The following ANXA10 variants were observed in gnomAD, a reference collection of about 807,000 sequenced individuals.
ANXA10 encodes annexin 14.
A neutral mutation model predicts 53.5 loss-of-function variants in ANXA10; 49 were observed. The observed-to-expected ratio is 0.92, with a 90% CI of 0.73 to 1.16. ANXA10 has a LOEUF of 1.16. Among genes scored for constraint, ANXA10 ranks in the 50% most tolerant of loss-of-function variants. The pLI is 0.00. For missense variants in ANXA10, 393 were observed against 394.4 expected (o/e 1.00, Z 0.03); for synonymous variants, 131 against 128.9 (o/e 1.02, Z -0.11).
intron 3 of ANXA10, among the ~76,000 whole-genome samples, chr4:168,151,737 G>A (rs1317046): frequency 0.64 from 97,262 of 152,118 alleles, 32,574 homozygotes; most frequent in African/African-American, 0.84. Context: ...CATGTTATTC[G>A]ATATTTATCT....
At chr4:168,100,328 G>T (rs1291058028) in intron 1 of ANXA10, among the ~76,000 whole-genome samples, 3 of 151,934 alleles carry the variant, frequency 2.0e-5, no homozygotes, top group African/African-American at 7.3e-5. Flanking sequence ...CCTTAGAGTG[G>T]GATATAAAAC....
intron 1 of ANXA10, among the ~76,000 whole-genome samples, chr4:168,105,927 C>T (rs1033349181): frequency 2.6e-5 from 4 of 152,028 alleles, no homozygotes; most frequent in African/African-American, 9.7e-5. Flanking sequence ...TTAAAAGTAT[C>T]TGTTCATGTC....
At chr4:168,096,912 A>ATATATATATGTATG (rs1730555505) in intron 1 of ANXA10, among the ~76,000 whole-genome samples, 1 of 104,578 alleles carries the variant, frequency 9.6e-6, no homozygotes, top group African/African-American at 5.6e-5. Context: ...ATACAAATGC[A>ATATATATATGTATG]TATATATATA....
intron 3 of ANXA10, among the ~76,000 whole-genome samples, chr4:168,139,854 T>C (rs1731299166): frequency 1.3e-5 from 2 of 152,194 alleles, no homozygotes; most frequent in African/African-American, 4.8e-5. Flanking sequence ...ATGAAAAGTT[T>C]TGATGAACTT....
At chr4:168,167,735 T>C (rs933533895) in intron 6 of ANXA10, among the ~76,000 whole-genome samples, 1 of 152,238 alleles carries the variant, frequency 6.6e-6, no homozygotes, top group African/African-American at 2.4e-5. Context: ...TGCAAAGTTC[T>C]TTCCTAGATA....
intron 1 of ANXA10, among the ~76,000 whole-genome samples, chr4:168,118,090 CTT>C (rs1012456005): frequency 1.4e-5 from 2 of 147,700 alleles, no homozygotes; most frequent in African/African-American, 2.5e-5. Flanking sequence ...GCCGGAGATT[CTT>C]TTTTTTTTTT....
chr4:168,150,384 C>T (rs890367138), intron 3 of ANXA10, among the ~76,000 whole-genome samples: 4 of 152,154 alleles, frequency 2.6e-5, no homozygotes, highest in African/African-American at 9.7e-5. Flanking sequence ...AGTGACGAAG[C>T]AACTTGCACA....
intron 4 of ANXA10, 71 bp from the exon 5 acceptor site, chr4:168,164,127 C>A: frequency 8.4e-7 from 1 of 1,186,588 alleles, no homozygotes; most frequent in Non-Finnish European, 1.2e-6. Context: ...GTATCCCTTT[C>A]TTGTACAAAA....
chr4:168,175,583 C>T (rs899399444), intron 6 of ANXA10, among the ~76,000 whole-genome samples: 2 of 152,188 alleles, frequency 1.3e-5, no homozygotes, highest in Non-Finnish European at 2.9e-5. Flanking sequence ...ACCTGCACCT[C>T]AACATTTCCA....
intron 6 of ANXA10, 118 bp from the exon 7 acceptor site, chr4:168,177,622 T>A: frequency 1.1e-6 from 1 of 938,834 alleles, no homozygotes; most frequent in Non-Finnish European, 1.7e-6. Context: ...TTACTCCAGA[T>A]AATAAAAGAA....
At chr4:168,099,446 T>A (rs1215303624) in intron 1 of ANXA10, among the ~76,000 whole-genome samples, 1 of 152,096 alleles carries the variant, frequency 6.6e-6, no homozygotes, top group Admixed American at 6.6e-5. Flanking sequence ...GCAACTCACA[T>A]ATAGAAAAGT....
chr4:168,116,240 G>GA (rs547312386), intron 1 of ANXA10, among the ~76,000 whole-genome samples: 1,616 of 149,522 alleles, frequency 0.011, 11 homozygotes, highest in South Asian at 0.021. Context: ...AACACGTGCA[G>GA]AAAAAAAAAA....
intron 2 of ANXA10, among the ~76,000 whole-genome samples, chr4:168,133,274 T>A (rs908417403): frequency 2.0e-5 from 3 of 152,060 alleles, no homozygotes; most frequent in African/African-American, 7.2e-5. Flanking sequence ...CTGTTGACCA[T>A]GAGTTTAATG....
In ANXA10 at chr4:168,162,609, T is replaced by C. The variant is rs1731805932; in HGVS notation, c.277T>C (p.Tyr93His). Residue 93 changes from tyrosine (Y) to histidine (H), a missense_variant, in exon 4 of 12, where the codon TAT (tyrosine) becomes CAT (histidine). By Grantham distance (83) the Tyr-to-His change is moderately conservative (BLOSUM62 2). Transcript: ENST00000359299. ...TGGCCTCATGTACCCACCACCACTG[T>C]ATGATGCTCATGAGCTCTGGCATGC... The part of the protein sequence containing the change: ...MAGLMYPPPL[Y>H]DAHELWHAMK... 1 of 1,613,974 alleles carries C rather than the reference T, an allele frequency of 6.2e-7. No individual in the cohort carries two copies. The highest frequency in any genetic ancestry group is 1.1e-5 in the South Asian group (1 of 91,084).
intron 10 of ANXA10, among the ~76,000 whole-genome samples, chr4:168,182,550 G>A (rs1732273979): frequency 6.7e-6 from 1 of 148,556 alleles, no homozygotes; most frequent in Non-Finnish European, 1.5e-5. Context: ...ACCCAGGATG[G>A]TCTCGATTTC....
At chr4:168,112,070 G>A (rs1730817495) in intron 1 of ANXA10, among the ~76,000 whole-genome samples, 1 of 152,140 alleles carries the variant, frequency 6.6e-6, no homozygotes, top group South Asian at 2.1e-4. Context: ...AAGGCAGGCG[G>A]ATCACTTGAG....
intron 3 of ANXA10, among the ~76,000 whole-genome samples, chr4:168,157,032 A>C (rs2149476288): frequency 6.6e-6 from 1 of 152,234 alleles, no homozygotes; most frequent in South Asian, 2.1e-4. Flanking sequence ...AGCGTGGAAA[A>C]AATGCTAAAA....
At chr4:168,165,101 A>G (rs1731850848) in intron 5 of ANXA10, 146 bp from the exon 6 acceptor site, 1 of 423,306 alleles carries the variant, frequency 2.4e-6, no homozygotes, top group East Asian at 3.6e-5. Flanking sequence ...TCTTTGGCAG[A>G]CGGTTTATTG....
intron 1 of ANXA10, among the ~76,000 whole-genome samples, chr4:168,100,465 C>T (rs192621698): frequency 1.3e-5 from 2 of 152,036 alleles, no homozygotes; most frequent in East Asian, 1.9e-4. Flanking sequence ...AAACTTTTTC[C>T]CTCCTTAAGC....
Sources: gnomAD v4.1 joint callset for allele counts (sites outside exome capture counted in the v4.1 genomes callset) on GRCh38, gnomAD v4.1.1 for gene constraint, MANE v1.5 for transcripts, NCBI Gene and HGNC (gene_info 2026-07-23, HGNC 2026-07-21) for gene names.